Variants in RCHY1 observed in about 807,000 individuals in gnomAD.
RCHY1 encodes the protein RING finger and CHY zinc finger domain-containing protein 1.
A neutral mutation model predicts 41.6 loss-of-function variants in RCHY1; 21 were observed. The ratio of observed to expected loss-of-function variants is 0.51; its 90% CI spans 0.36 to 0.73. The LOEUF (loss-of-function observed/expected upper bound fraction) is 0.73, where lower values mean the gene tolerates loss of function less well. RCHY1 is among the 30% of genes least tolerant of loss of function. The pLI, the probability that RCHY1 is intolerant of heterozygous loss-of-function variation, is 0.00. For missense variants in RCHY1, 265 were observed against 325.3 expected (o/e 0.81, Z 1.43); for synonymous variants, 79 against 102.9 (o/e 0.77, Z 1.41).
rs1420824442 is a variant in RCHY1, at chr4:75,480,060, T to C, written c.*2478A>G. The C allele has an allele frequency of 1.3e-5, 2 of 152,228 alleles. No homozygotes were observed. Among genetic ancestry groups the C allele is most frequent in the Admixed American group, 6.5e-5 (1 of 15,276 alleles). The allele number at this position is 152,228 out of a possible 1,614,324, so 9.4% of individuals were successfully genotyped here. On this transcript the variant is annotated 3_prime_UTR_variant, in exon 9 of 9. Transcript: ENST00000324439. Reference sequence around the variant, plus strand: ...TGAATGGTAAGGGATGTAGATTTTATTCTTATTGTGAATGAGAAGTGTTGA... The same window carrying C: ...TGAATGGTAAGGGATGTAGATTTTACTCTTATTGTGAATGAGAAGTGTTGA...
chr4:75,487,525 CATA>C (rs1225793921), intron 8 of RCHY1, among the ~76,000 whole-genome samples: 1 of 113,036 alleles, frequency 8.8e-6, no homozygotes, highest in Non-Finnish European at 1.8e-5. Flanking sequence ...TATATATATT[CATA>C]ATATATTCAT....
At position 75,482,483 on chromosome 4, in the gene RCHY1, GA is replaced by G. The variant is rs939645329; in HGVS notation, c.*54del. On this transcript the variant is annotated 3_prime_UTR_variant, in exon 9 of 9. Coordinates refer to ENST00000324439, the MANE Select transcript of RCHY1 (RefSeq NM_015436.4). ...CGACACATGATAACACGATACCAAG[GA>G]AAGCCTTTTTCTATATCAGAAAATG... 2.0e-6 allele frequency: 3 copies of G among 1,510,528 alleles called. No homozygotes were observed. In the Admixed American group the frequency reaches 6.3e-5, roughly 32 times the overall value. The allele number at this position is 1,510,528 out of a possible 1,614,324, so 93.6% of individuals were successfully genotyped here.
chr4:75,487,742 CATATATATATTCATA>C (rs1722310769), intron 8 of RCHY1, among the ~76,000 whole-genome samples: 2 of 44,224 alleles, frequency 4.5e-5, no homozygotes, highest in Admixed American at 2.8e-4. Flanking sequence ...AATATATATT[CATATATATATTCATA>C]ATATATATAT....
At chr4:75,511,359 GA>G (rs1216080194) in intron 1 of RCHY1, among the ~76,000 whole-genome samples, 1 of 152,144 alleles carries the variant, frequency 6.6e-6, no homozygotes, top group East Asian at 1.9e-4. Flanking sequence ...GTGAAAGCTT[GA>G]ATTTTATCAC....
chr4:75,511,737 T>A (rs1485130694), intron 1 of RCHY1, among the ~76,000 whole-genome samples: 2 of 151,982 alleles, frequency 1.3e-5, no homozygotes, highest in Non-Finnish European at 2.9e-5. Flanking sequence ...TCAGTGCCAC[T>A]GTCTTGATTC....
In RCHY1 at chr4:75,490,824, A is replaced by G. The variant is rs1013484386; in HGVS notation, c.537-123T>C. On this transcript the variant is annotated intron_variant, in intron 7 of 8. Coordinates refer to ENST00000324439, the MANE Select transcript of RCHY1 (RefSeq NM_015436.4). The stretch of plus-strand genomic sequence containing the variant: ...AAAACAGGCATTTTCCTCCATTTCA[A>G]GATAATCTCTTAGGAACCTGGGAAC... 10 of 665,228 alleles carry G rather than the reference A, an allele frequency of 1.5e-5. No homozygotes were observed. In the African/African-American group the frequency reaches 1.7e-4, roughly 11 times the overall value. 41.2% of individuals were successfully genotyped at this position (665,228 alleles called of 1,614,324 possible). A position where few individuals can be genotyped will look rare whatever the true frequency, so the allele number is the denominator to read the frequency against.
At chr4:75,502,458 T>A (rs1323438197) in intron 3 of RCHY1, among the ~76,000 whole-genome samples, 1 of 152,028 alleles carries the variant, frequency 6.6e-6, no homozygotes, top group African/African-American at 2.4e-5. Context: ...GAAAAAGGCA[T>A]GAACCCAGGA....
chr4:75,506,978 A>C (rs753048584), intron 3 of RCHY1, among the ~76,000 whole-genome samples: 1 of 152,142 alleles, frequency 6.6e-6, no homozygotes, highest in Non-Finnish European at 1.5e-5. Flanking sequence ...GAATATCTTT[A>C]AAGTGTTGGG....
intron 3 of RCHY1, among the ~76,000 whole-genome samples, chr4:75,501,230 A>G (rs772556650): frequency 2.0e-4 from 30 of 152,164 alleles, no homozygotes; most frequent in Non-Finnish European, 4.0e-4. Flanking sequence ...GCTGGTCTCA[A>G]ACTCCCAACC....
chr4:75,504,229 G>A (rs1186018024), intron 3 of RCHY1, among the ~76,000 whole-genome samples: 1 of 151,452 alleles, frequency 6.6e-6, no homozygotes, highest in Admixed American at 6.6e-5. Context: ...ATGCACATGT[G>A]CCAGATTCAA....
intron 7 of RCHY1, 75 bp from the exon 8 acceptor site, chr4:75,490,776 GCTAA>G (rs1028357437): frequency 1.3e-5 from 14 of 1,071,198 alleles, no homozygotes; most frequent in Non-Finnish European, 9.5e-6. Context: ...GAAGATGCAG[GCTAA>G]CTGCCACATG....
At position 75,481,736 on chromosome 4, in the gene RCHY1, C is replaced by CA. The variant is rs1721539593; in HGVS notation, c.*801_*802insT. 2.0e-5 allele frequency: 3 copies of CA among 152,106 alleles called. No homozygotes were observed. The highest frequency in any genetic ancestry group is 2.0e-4 in the Admixed American group (3 of 15,266). 9.4% of individuals were successfully genotyped at this position (152,106 alleles called of 1,614,324 possible). ...TCTACAGCATCTAGAAACATATCTG[C>CA]CACATAGCAGTTGCTCAATAAATAC... On this transcript the variant is annotated 3_prime_UTR_variant, in exon 9 of 9. Transcript: ENST00000324439.
chr4:75,512,691 A>G (rs763469263), intron 1 of RCHY1, among the ~76,000 whole-genome samples: 27 of 151,936 alleles, frequency 1.8e-4, no homozygotes, highest in Non-Finnish European at 3.2e-4. Context: ...AGAATACCCT[A>G]TAAGTGCTAT....
chr4:75,494,680 G>C (rs2148734913), intron 3 of RCHY1, among the ~76,000 whole-genome samples: 1 of 151,826 alleles, frequency 6.6e-6, no homozygotes, highest in East Asian at 1.9e-4. Flanking sequence ...ACATCACTTA[G>C]TTCACATGTT....
At chr4:75,512,316 T>A (rs1293597556) in intron 1 of RCHY1, among the ~76,000 whole-genome samples, 1 of 152,218 alleles carries the variant, frequency 6.6e-6, no homozygotes, top group Admixed American at 6.5e-5. Context: ...CTTATTTCAC[T>A]ATAAAAACAG....
intron 1 of RCHY1, among the ~76,000 whole-genome samples, chr4:75,512,214 T>C (rs1724959427): frequency 6.6e-6 from 1 of 152,144 alleles, no homozygotes; most frequent in Non-Finnish European, 1.5e-5. Flanking sequence ...TCTTCCAGAG[T>C]CTAAGACCTA....
At chr4:75,488,030 C>G (rs1722399777) in intron 8 of RCHY1, among the ~76,000 whole-genome samples, 1 of 148,852 alleles carries the variant, frequency 6.7e-6, no homozygotes, top group Non-Finnish European at 1.5e-5. Flanking sequence ...CTTTGGCATG[C>G]TACAAAGGGC....
Position 75,514,401 on chromosome 4 carries a change from T to G in RCHY1, c.-115A>C. On this transcript the variant is annotated 5_prime_UTR_variant, in exon 1 of 9. Coordinates refer to ENST00000324439, the MANE Select transcript of RCHY1 (RefSeq NM_015436.4). ...CAGCCCCAGCGGCCACTAGCGACAA[T>G]ATGGCTCCTAAGCACGTGACCCGGG... 3 of 1,214,472 alleles carry G rather than the reference T, an allele frequency of 2.5e-6. No individual in the cohort carries two copies. Among genetic ancestry groups the G allele is most frequent in the East Asian group, 2.6e-5 (1 of 38,658 alleles). The allele number at this position is 1,214,472 out of a possible 1,614,324, so 75.2% of individuals were successfully genotyped here. A position where few individuals can be genotyped will look rare whatever the true frequency, so the allele number is the denominator to read the frequency against.
chr4:75,496,924 A>C (rs756595405), intron 3 of RCHY1, among the ~76,000 whole-genome samples: 16 of 152,208 alleles, frequency 1.1e-4, no homozygotes, highest in Non-Finnish European at 2.2e-4. Context: ...CACAGATGTT[A>C]GAATTAATAC....
Sources: gnomAD v4.1 joint callset for allele counts (sites outside exome capture counted in the v4.1 genomes callset) on GRCh38, gnomAD v4.1.1 for gene constraint, MANE v1.5 for transcripts, NCBI Gene and HGNC (gene_info 2026-07-23, HGNC 2026-07-21) for gene names.